Variants in SCHIP1 observed in about 807,000 individuals in gnomAD.
SCHIP1 encodes the protein schwannomin interacting protein 1, also known as schwannomin-interacting protein 1.
A neutral mutation model predicts 29.7 loss-of-function variants in SCHIP1; 8 were observed. The observed-to-expected ratio is 0.27, with a 90% CI of 0.16 to 0.49. The LOEUF (loss-of-function observed/expected upper bound fraction) is 0.49. Ranked by LOEUF, SCHIP1 falls within the 20% of genes least tolerant of loss-of-function variation. The pLI, the probability that SCHIP1 is intolerant of heterozygous loss-of-function variation, is 0.99. For missense variants in SCHIP1, 193 were observed against 294.6 expected (o/e 0.66, Z 2.52); for synonymous variants, 76 against 94.9 (o/e 0.80, Z 1.16).
the SCHIP1 span, among the ~76,000 whole-genome samples, chr3:159,568,778 G>T: frequency 6.6e-6 from 1 of 151,994 alleles, no homozygotes; most frequent in Admixed American, 6.6e-5. Context: ...TATCCTTAAT[G>T]AATTTTTGTT....
the SCHIP1 span, among the ~76,000 whole-genome samples, chr3:159,723,747 C>A: frequency 6.6e-6 from 1 of 152,146 alleles, no homozygotes; most frequent in African/African-American, 2.4e-5. Context: ...TGGCACTCAG[C>A]AAACAATCAG....
At chr3:159,628,394 A>G in the SCHIP1 span, among the ~76,000 whole-genome samples, 1 of 152,204 alleles carries the variant, frequency 6.6e-6, no homozygotes. Context: ...ACATTCATCT[A>G]AAGTTACCAT....
the SCHIP1 span, among the ~76,000 whole-genome samples, chr3:159,613,653 G>A: frequency 6.6e-6 from 1 of 152,154 alleles, no homozygotes; most frequent in African/African-American, 2.4e-5. Context: ...AGCCACTGTT[G>A]TGCAGCAAAC....
At chr3:159,515,191 T>A in the SCHIP1 span, among the ~76,000 whole-genome samples, 1 of 147,256 alleles carries the variant, frequency 6.8e-6, no homozygotes, top group Non-Finnish European at 1.5e-5. Flanking sequence ...CACAGCAAAG[T>A]GGTTATTAAA....
chr3:159,669,630 A>C, the SCHIP1 span, among the ~76,000 whole-genome samples: 1 of 152,116 alleles, frequency 6.6e-6, no homozygotes, highest in Admixed American at 6.6e-5. Context: ...GACTCTTTTC[A>C]TTTGTCTTCA....
chr3:159,614,077 T>C, the SCHIP1 span, among the ~76,000 whole-genome samples: 1 of 152,210 alleles, frequency 6.6e-6, no homozygotes, highest in Admixed American at 6.5e-5. Context: ...AATCTAGGGT[T>C]CAGAGAGGTC....
At chr3:159,711,494 G>A in the SCHIP1 span, among the ~76,000 whole-genome samples, 3,697 of 148,278 alleles carry the variant, frequency 0.025, 74 homozygotes, top group African/African-American at 0.053. Context: ...GTAAAACAAT[G>A]AAGAGAAATG....
the SCHIP1 span, among the ~76,000 whole-genome samples, chr3:159,616,178 G>A: frequency 6.6e-6 from 1 of 152,174 alleles, no homozygotes; most frequent in Non-Finnish European, 1.5e-5. Context: ...GGGCAAGATA[G>A]CATTTTTGTT....
At chr3:159,735,023 T>A in the SCHIP1 span, among the ~76,000 whole-genome samples, 1 of 152,112 alleles carries the variant, frequency 6.6e-6, no homozygotes, top group East Asian at 1.9e-4. Flanking sequence ...CACTTCCACT[T>A]ATTTTGTGTT....
intron 6 of SCHIP1, chr3:159,894,613 A>G (rs1717876600): frequency 6.6e-6 from 1 of 152,132 alleles, no homozygotes; most frequent in African/African-American, 2.4e-5. Flanking sequence ...GAATTCCCTG[A>G]AAACAGAGGT....
At chr3:159,732,686 A>G in the SCHIP1 span, among the ~76,000 whole-genome samples, 1 of 152,314 alleles carries the variant, frequency 6.6e-6, no homozygotes, top group African/African-American at 2.4e-5. Flanking sequence ...GGGGAAACAA[A>G]TTCAGCTGGG....
chr3:159,620,118 T>G, the SCHIP1 span, among the ~76,000 whole-genome samples: 1 of 152,206 alleles, frequency 6.6e-6, no homozygotes, highest in Non-Finnish European at 1.5e-5. Flanking sequence ...GACCAGTGCC[T>G]CTGTCACTGT....
the SCHIP1 span, among the ~76,000 whole-genome samples, chr3:159,805,706 G>A: frequency 6.6e-6 from 1 of 151,948 alleles, no homozygotes; most frequent in Non-Finnish European, 1.5e-5. Flanking sequence ...ACTTGTATGA[G>A]TAAACGAAAG....
chr3:159,773,440 T>G, the SCHIP1 span, among the ~76,000 whole-genome samples: 137 of 152,270 alleles, frequency 9.0e-4, no homozygotes, highest in African/African-American at 3.2e-3. Context: ...TGACCCAGCC[T>G]CAAGTCACCC....
At chr3:159,661,023 C>A in the SCHIP1 span, among the ~76,000 whole-genome samples, 1 of 152,126 alleles carries the variant, frequency 6.6e-6, no homozygotes, top group African/African-American at 2.4e-5. Flanking sequence ...AAAACCAGAA[C>A]CCTTCACTTC....
chr3:159,544,095 C>G, the SCHIP1 span, among the ~76,000 whole-genome samples: 1 of 152,056 alleles, frequency 6.6e-6, no homozygotes, highest in Non-Finnish European at 1.5e-5. Context: ...AAGGTAAACA[C>G]TAGCCTGACT....
the SCHIP1 span, among the ~76,000 whole-genome samples, chr3:159,476,452 G>A: frequency 6.6e-6 from 1 of 152,092 alleles, no homozygotes; most frequent in East Asian, 1.9e-4. Context: ...GTTTGAAGAG[G>A]TAAGCTGTTG....
At chr3:159,407,572 A>G in the SCHIP1 span, among the ~76,000 whole-genome samples, 1 of 152,234 alleles carries the variant, frequency 6.6e-6, no homozygotes, top group Non-Finnish European at 1.5e-5. Context: ...TCCAATGGCT[A>G]CAAAATACAC....
the SCHIP1 span, among the ~76,000 whole-genome samples, chr3:159,401,967 A>C: frequency 6.6e-6 from 1 of 152,196 alleles, no homozygotes; most frequent in African/African-American, 2.4e-5. Context: ...GCACAGCAAA[A>C]GAAACCACCA....
Sources: allele counts gnomAD v4.1 joint callset (sites outside exome capture counted in the v4.1 genomes callset), GRCh38; gene constraint gnomAD v4.1.1; transcripts MANE v1.5; gene names NCBI Gene and HGNC (gene_info 2026-07-23, HGNC 2026-07-21).